Variants in SPMIP2 observed in about 807,000 individuals in gnomAD.
The protein encoded by SPMIP2 is protein SPMIP2.
the SPMIP2 span, among the ~76,000 whole-genome samples, chr4:159,043,385 C>T: frequency 6.6e-6 from 1 of 152,014 alleles, no homozygotes; most frequent in Admixed American, 6.5e-5. Context: ...CTCACTCTGT[C>T]GCCCAGGCTG....
chr4:158,905,454 C>A, the SPMIP2 span: 2 of 152,124 alleles, frequency 1.3e-5, no homozygotes, highest in Non-Finnish European at 2.9e-5. Flanking sequence ...ATAGTTAATA[C>A]AAATGACTAT....
the SPMIP2 span, among the ~76,000 whole-genome samples, chr4:159,073,080 T>C: frequency 8.5e-5 from 13 of 152,238 alleles, no homozygotes; most frequent in African/African-American, 2.4e-4. Flanking sequence ...TTGTGCTTTT[T>C]TGAATCCACA....
chr4:158,971,285 T>G, the SPMIP2 span, among the ~76,000 whole-genome samples: 2 of 152,218 alleles, frequency 1.3e-5, no homozygotes, highest in East Asian at 3.8e-4. Flanking sequence ...CCAGCCGCCT[T>G]GCTTTGGGGC....
chr4:158,956,175 G>C, the SPMIP2 span, among the ~76,000 whole-genome samples: 4 of 152,202 alleles, frequency 2.6e-5, no homozygotes, highest in African/African-American at 4.8e-5. Context: ...CTCAATGTGG[G>C]CATCCCACAA....
At chr4:158,976,060 A>G in the SPMIP2 span, among the ~76,000 whole-genome samples, 1 of 152,180 alleles carries the variant, frequency 6.6e-6, no homozygotes, top group Non-Finnish European at 1.5e-5. Flanking sequence ...TCTTTGTAGC[A>G]ATTGTGACTG....
At chr4:159,068,534 T>G in the SPMIP2 span, among the ~76,000 whole-genome samples, 1 of 150,696 alleles carries the variant, frequency 6.6e-6, no homozygotes, top group Non-Finnish European at 1.5e-5. Context: ...GGAGGAGGGA[T>G]AGCATTTGGA....
chr4:158,998,173 A>C, the SPMIP2 span, among the ~76,000 whole-genome samples: 1 of 152,150 alleles, frequency 6.6e-6, no homozygotes, highest in African/African-American at 2.4e-5. Flanking sequence ...TATAGTTTTT[A>C]TGGGTTGGTA....
chr4:159,012,837 TGCAGGGATTATAG>T, the SPMIP2 span, among the ~76,000 whole-genome samples: 388 of 152,266 alleles, frequency 2.5e-3, 1 homozygote, highest in African/African-American at 9.1e-3. Flanking sequence ...CCTCCCAAAT[TGCAGGGATTATAG>T]GCATGAGCCA....
At chr4:158,964,827 C>G in the SPMIP2 span, among the ~76,000 whole-genome samples, 1 of 152,140 alleles carries the variant, frequency 6.6e-6, no homozygotes, top group South Asian at 2.1e-4. Context: ...TACATGGTGG[C>G]AGGTGAGAGA....
the SPMIP2 span, among the ~76,000 whole-genome samples, chr4:159,068,833 T>G: frequency 1.3e-5 from 2 of 152,158 alleles, no homozygotes; most frequent in African/African-American, 4.8e-5. Context: ...AGACATATTA[T>G]TTACAAAGCA....
At chr4:158,931,183 C>T in the SPMIP2 span, among the ~76,000 whole-genome samples, 1 of 152,142 alleles carries the variant, frequency 6.6e-6, no homozygotes, top group African/African-American at 2.4e-5. Flanking sequence ...TTTTTGACAG[C>T]ACAAATCTAC....
chr4:159,067,784 A>T, the SPMIP2 span, among the ~76,000 whole-genome samples: 1 of 152,212 alleles, frequency 6.6e-6, no homozygotes, highest in Non-Finnish European at 1.5e-5. Context: ...AATATCCAGA[A>T]TCTATAATGA....
At chr4:158,964,187 C>A in the SPMIP2 span, among the ~76,000 whole-genome samples, 282 of 34,852 alleles carry the variant, frequency 8.1e-3, 7 homozygotes, top group East Asian at 0.034. Flanking sequence ...CAAAACAAAA[C>A]AAAAAACATG....
the SPMIP2 span, among the ~76,000 whole-genome samples, chr4:159,022,669 T>G: frequency 1.3e-5 from 2 of 152,218 alleles, no homozygotes; most frequent in Non-Finnish European, 2.9e-5. Context: ...TATTACATCT[T>G]GGCCTGCAAT....
At chr4:159,021,291 G>A in the SPMIP2 span, among the ~76,000 whole-genome samples, 8 of 152,192 alleles carry the variant, frequency 5.3e-5, no homozygotes. Context: ...AGCCATAATG[G>A]CCAATTGGAG....
At chr4:159,038,234 A>T in the SPMIP2 span, among the ~76,000 whole-genome samples, 7 of 152,204 alleles carry the variant, frequency 4.6e-5, no homozygotes, top group African/African-American at 1.4e-4. Flanking sequence ...TGCCACCATC[A>T]TGGTTATGCC....
chr4:158,997,638 T>C, the SPMIP2 span, among the ~76,000 whole-genome samples: 1 of 152,280 alleles, frequency 6.6e-6, no homozygotes, highest in African/African-American at 2.4e-5. Flanking sequence ...TTCCTCCATA[T>C]TCAAGCTCTT....
At chr4:159,071,696 A>G in the SPMIP2 span, among the ~76,000 whole-genome samples, 2 of 152,076 alleles carry the variant, frequency 1.3e-5, no homozygotes, top group African/African-American at 4.8e-5. Flanking sequence ...TTTTGTCACC[A>G]TGAGGGAAAG....
the SPMIP2 span, among the ~76,000 whole-genome samples, chr4:158,982,895 A>G: frequency 6.6e-6 from 1 of 152,216 alleles, no homozygotes; most frequent in African/African-American, 2.4e-5. Context: ...CCAAAGGCAA[A>G]GAAGTTAAAA....
Sources: allele counts gnomAD v4.1 joint callset (sites outside exome capture counted in the v4.1 genomes callset), GRCh38; gene constraint gnomAD v4.1.1; transcripts MANE v1.5; gene names NCBI Gene and HGNC (gene_info 2026-07-23, HGNC 2026-07-21).